The following NUP62 variants were observed in gnomAD, a reference collection of about 807,000 sequenced individuals.
NUP62 encodes the protein nucleoporin 62, also known as nuclear pore glycoprotein p62.
For missense variants in NUP62, 647 were observed against 689.4 expected, an observed-to-expected ratio of 0.94 and a Z score of 0.69; for synonymous variants, 305 against 303.4, an observed-to-expected ratio of 1.01 and a Z score of -0.05.
intron 2 of NUP62, among the ~76,000 whole-genome samples, chr19:49,920,994 C>T (rs1403519081): frequency 6.6e-6 from 1 of 152,150 alleles, no homozygotes; most frequent in African/African-American, 2.4e-5. Context: ...CTCTGGGAAC[C>T]AGGTGAAGGC....
intron 2 of NUP62, among the ~76,000 whole-genome samples, chr19:49,910,350 T>C (rs1271446500): frequency 6.6e-6 from 1 of 151,904 alleles, no homozygotes; most frequent in Admixed American, 6.6e-5. Context: ...GAGAGAGAGA[T>C]GGGGCCGGGA....
At chr19:49,918,178 T>C (rs1038563289) in intron 2 of NUP62, among the ~76,000 whole-genome samples, 1 of 151,906 alleles carries the variant, frequency 6.6e-6, no homozygotes, top group African/African-American at 2.4e-5. Context: ...ATGATTCTCC[T>C]GCCCTAGCCT....
At chr19:49,922,280 C>T (rs1187000874) in intron 2 of NUP62, among the ~76,000 whole-genome samples, 6 of 152,146 alleles carry the variant, frequency 3.9e-5, no homozygotes, top group African/African-American at 1.4e-4. Context: ...GTCTTCCTGC[C>T]GCAATGAGCA....
rs2075759260 is a variant in NUP62, at chr19:49,921,271, G to T, written c.-78+6423C>A. 6.6e-6 allele frequency among the ~76,000 whole-genome samples: 1 copy of T among 152,134 alleles called. No individual in the cohort carries two copies. The highest frequency in any genetic ancestry group is 2.4e-5 in the African/African-American group (1 of 41,412). The stretch of plus-strand genomic sequence containing the variant: ...CTGCGTAAAGTCCCACAACCAGTAA[G>T]GGCTGGCCCAGGTGTCTGGCCCCAC... On this transcript the variant is annotated intron_variant, in intron 2 of 2. Transcript: ENST00000352066. This position sits in a 1 kb window ranked among gnomAD's most constrained non-coding sequence, Gnocchi z 5.4.
Position 49,907,074 on chromosome 19 carries a change from T to C in NUP62, c.*1165A>G, listed in dbSNP as rs143688089. ...TGGACTGACGTTACACTGGGCTTCA[T>C]TGTTCTTTCATTTAACAAATGTGAC... On this transcript the variant is annotated 3_prime_UTR_variant, in exon 3 of 3. Coordinates refer to ENST00000352066, the MANE Select transcript of NUP62 (RefSeq NM_016553.5). 10 of 156,928 alleles carry C rather than the reference T, an allele frequency of 6.4e-5. No homozygotes were observed. The highest frequency in any genetic ancestry group is 9.6e-5 in the African/African-American group (4 of 41,586). 9.7% of individuals were successfully genotyped at this position (156,928 alleles called of 1,614,324 possible).
At chr19:49,914,726 G>GTTTTGTTTTTTTTTTTTTTTT (rs2075575701) in intron 2 of NUP62, among the ~76,000 whole-genome samples, 1 of 56,362 alleles carries the variant, frequency 1.8e-5, no homozygotes, top group African/African-American at 6.5e-5. Flanking sequence ...CCAAGTCCCA[G>GTTTTGTTTTTTTTTTTTTTTT]TTTTTTTTTT....
rs1176337019 is a variant in NUP62 at position 49,907,575 on chromosome 19, T to C, written c.*664A>G. On this transcript the variant is annotated 3_prime_UTR_variant, in exon 3 of 3. Transcript: ENST00000352066. The stretch of plus-strand genomic sequence containing the variant: ...TTTTTTTTTGAGACAGAGTCTCTGT[T>C]GCCTAGGCTGGAGTGCAGTGGTGTG... 2.4e-6 allele frequency: 1 copy of C among 418,206 alleles called. No homozygotes were observed. The highest frequency in any genetic ancestry group is 4.6e-6 in the Non-Finnish European group (1 of 217,104). The allele number at this position is 418,206 out of a possible 1,614,324, so 25.9% of individuals were successfully genotyped here.
rs916243083 is a variant in NUP62 at position 49,921,782 on chromosome 19, C to A, written c.-78+5912G>T. On this transcript the variant is annotated intron_variant, in intron 2 of 2. Coordinates refer to ENST00000352066, the MANE Select transcript of NUP62 (RefSeq NM_016553.5). The surrounding 1 kb of genome is among the most constrained non-coding windows in gnomAD (Gnocchi z 5.4). The stretch of plus-strand genomic sequence containing the variant: ...CGCAGCTCCGACCATGACCATCCAT[C>A]CTATGAGTGCTGGCTGGGCTCAAGC... Among the ~76,000 whole-genome samples, 4 of 152,202 alleles carry A rather than the reference C, an allele frequency of 2.6e-5. No homozygotes were observed. The highest frequency in any genetic ancestry group is 7.2e-5 in the African/African-American group (3 of 41,460).
At chr19:49,917,550 C>T (rs2075655412) in intron 2 of NUP62, 1 of 152,238 alleles carries the variant, frequency 6.6e-6, no homozygotes, top group Non-Finnish European at 1.5e-5. Flanking sequence ...ACCAGAGTGC[C>T]TTGGGAGCAT....
intron 2 of NUP62, among the ~76,000 whole-genome samples, chr19:49,920,196 C>T (rs1420535678): frequency 1.3e-5 from 2 of 152,196 alleles, no homozygotes; most frequent in Non-Finnish European, 2.9e-5. Flanking sequence ...TATTCTCCTG[C>T]CTCAGCCTCC....
intron 2 of NUP62, among the ~76,000 whole-genome samples, chr19:49,912,445 A>G (rs1398531078): frequency 6.6e-6 from 1 of 152,140 alleles, no homozygotes. Flanking sequence ...TTGGGATTAC[A>G]GGCATGAGCC....
chr19:49,928,594 T>C (rs549356633), intron 1 of NUP62: 3 of 152,150 alleles, frequency 2.0e-5, no homozygotes, highest in Non-Finnish European at 4.4e-5. Flanking sequence ...ATCGTCTTAT[T>C]TGAGTCTCAT....
Position 49,909,763 on chromosome 19 carries a change from C to A in NUP62, c.45G>T (p.Gly15=). Residue 15 remains glycine, a synonymous_variant, in exon 3 of 3, where the codon GGG becomes GGT. Coordinates refer to ENST00000352066, the MANE Select transcript of NUP62 (RefSeq NM_016553.5). ...NFGGTGAPTG[G]FTFGTAKTAT... is the part of the protein sequence containing the mutation. ...CCGTCTTTGCAGTGCCAAACGTGAA[C>A]CCGCCTGTAGGGGCCCCAGTGCCTC... 1.2e-6 allele frequency: 2 copies of A among 1,614,128 alleles called. No individual in the cohort carries two copies. The highest frequency in any genetic ancestry group is 1.1e-5 in the South Asian group (1 of 91,078).
chr19:49,926,568 T>C (rs1211461379), intron 2 of NUP62, among the ~76,000 whole-genome samples: 4 of 152,100 alleles, frequency 2.6e-5, no homozygotes, highest in African/African-American at 9.7e-5. Context: ...CCAGTCCCCA[T>C]GTACAATCTA....
chr19:49,908,647 C>A lies in NUP62; in HGVS notation c.1161G>T (p.Lys387Asn). ...TGAAGTCGAGCTCCTGGTCCAGCCT[C>A]TTCTGGTCCAGCTTCACCTTCTCCA... is the stretch of plus-strand genomic sequence containing the variant. The part of the protein sequence containing the change: ...REVEKVKLDQ[K>N]RLDQELDFIL... The change falls in exon 3 of 3, where the codon AAG (lysine) becomes AAT (asparagine). Residue 387 changes from lysine to asparagine, a missense_variant. Transcript: ENST00000352066. 6.2e-7 allele frequency: 1 copy of A among 1,612,926 alleles called. No homozygotes were observed. Among genetic ancestry groups the A allele is most frequent in the Non-Finnish European group, 8.5e-7 (1 of 1,180,030 alleles).
Position 49,925,498 on chromosome 19 carries a change from G to A in NUP62, c.-78+2196C>T, listed in dbSNP as rs551755438. 1.3e-3 allele frequency among the ~76,000 whole-genome samples: 187 copies of A among 148,710 alleles called. 3 individuals are homozygous for A. Among genetic ancestry groups the A allele is most frequent in the African/African-American group, 4.1e-3 (164 of 40,144 alleles). ...TACCTGGCCATCCTCTCAATATCCC[G>A]CAATCCCAGTCTGAGACAAAACCAA... On this transcript the variant is annotated intron_variant, in intron 2 of 2. Coordinates refer to ENST00000352066, the MANE Select transcript of NUP62 (RefSeq NM_016553.5).
chr19:49,916,447 G>C (rs965103259), intron 2 of NUP62, among the ~76,000 whole-genome samples: 1 of 148,980 alleles, frequency 6.7e-6, no homozygotes, highest in Non-Finnish European at 1.5e-5. Flanking sequence ...TCCGCCTCCC[G>C]GTATCTTTTG....
chr19:49,908,508 A>G lies in NUP62; in HGVS notation c.1300T>C (p.Tyr434His). The change falls in exon 3 of 3, where the codon TAC (tyrosine) becomes CAC (histidine). Residue 434 changes from tyrosine to histidine, a missense_variant. Transcript: ENST00000352066. ...QHADEEREKTYKLAENIDAQL... is the reference protein window; with the variant it reads ...QHADEEREKTHKLAENIDAQL... The stretch of plus-strand genomic sequence containing the variant: ...GCATCGATGTTCTCAGCCAGCTTGT[A>G]GGTTTTCTCACGCTCCTCATCCGCG... 1.2e-6 allele frequency: 2 copies of G among 1,614,078 alleles called. No homozygotes were observed. Among genetic ancestry groups the G allele is most frequent in the Non-Finnish European group, 1.7e-6 (2 of 1,180,024 alleles).
Position 49,909,422 on chromosome 19 carries a change from A to G in NUP62, c.386T>C (p.Val129Ala). The G allele has an allele frequency of 1.2e-6, 2 of 1,613,846 alleles. No individual in the cohort carries two copies. The highest frequency in any genetic ancestry group is 1.7e-6 in the Non-Finnish European group (2 of 1,179,980). ...GGGTGCTGTGCCCTGGCTGGAGGTG[A>G]CGGTGCTCGATATGGCATTAGTGAG... is the stretch of plus-strand genomic sequence containing the variant. ...SNLTNAISST[V>A]TSSQGTAPTG... Residue 129 changes from valine (V) to alanine (A), a missense_variant, in exon 3 of 3, where the codon GTC becomes GCC. By Grantham distance (64) the Val-to-Ala change is moderately conservative. Transcript: ENST00000352066.
Sources: allele counts gnomAD v4.1 joint callset (sites outside exome capture counted in the v4.1 genomes callset), GRCh38; gene constraint gnomAD v4.1.1; non-coding constraint Gnocchi (gnomAD v3.1); transcripts MANE v1.5; gene names NCBI Gene and HGNC (gene_info 2026-07-23, HGNC 2026-07-21).